VRTN: variants seen among roughly 807,000 people sequenced by gnomAD.
The protein encoded by VRTN is vertebrae development associated.
Under a neutral mutation model 18.2 loss-of-function variants are expected in VRTN, and 5 were observed. The ratio of observed to expected loss-of-function variants is 0.27; its 90% CI spans 0.14 to 0.58. The LOEUF is 0.58. VRTN is among the 20% of genes least tolerant of loss of function. The pLI, the probability that VRTN is intolerant of heterozygous loss-of-function variation, is 0.91. For missense variants in VRTN, 741 were observed against 939.4 expected (o/e 0.79, Z 2.76); for synonymous variants, 381 against 393.7 (o/e 0.97, Z 0.38).
Position 74,322,855 on chromosome 14 carries a change from C to T in VRTN, c.-163-14868C>T, listed in dbSNP as rs533958274. On this transcript the variant is annotated intron_variant, in intron 1 of 2. Coordinates refer to the VRTN transcript ENST00000557177. Reference sequence around the variant, plus strand: ...TGAACTTAAAAAGCATACTAGGGACCGGGCACGGTGGCTCACGCCTGTAAT... The same window carrying T: ...TGAACTTAAAAAGCATACTAGGGACTGGGCACGGTGGCTCACGCCTGTAAT... 1.3e-4 allele frequency among the ~76,000 whole-genome samples: 20 copies of T among 152,268 alleles called. No individual in the cohort carries two copies. The East Asian group carries it at 1.7e-3, about 13-fold the overall frequency.
rs143001467 is a variant in VRTN at position 74,358,880 on chromosome 14, G to A, written c.2097G>A (p.Leu699=). The A allele has an allele frequency of 6.2e-7, 1 of 1,608,820 alleles. No homozygotes were observed. The highest frequency in any genetic ancestry group is 1.3e-5 in the African/African-American group (1 of 74,898). The change falls in exon 2 of 2, where the codon CTG becomes CTA. Residue 699 remains leucine (L), a synonymous_variant. Transcript: ENST00000256362. The surrounding 1 kb of genome is among the most constrained non-coding windows in gnomAD (Gnocchi z 5.4). ...GAGCCCTCTATGACGGCCTGACCCTGGTAGATGGCTGACAGGGAGGTACAA... is the reference window on the plus strand; with the variant it reads ...GAGCCCTCTATGACGGCCTGACCCTAGTAGATGGCTGACAGGGAGGTACAA... ...WKRALYDGLT[L]VDG
At chr14:74,349,953 T>C (rs1297891891) in intron 1 of VRTN, among the ~76,000 whole-genome samples, 1 of 152,038 alleles carries the variant, frequency 6.6e-6, no homozygotes, top group Non-Finnish European at 1.5e-5. Flanking sequence ...CCTCCTTGGT[T>C]TCATACCTTT....
At chr14:74,336,025 G>A (rs997573513) in intron 1 of VRTN, among the ~76,000 whole-genome samples, 5 of 151,490 alleles carry the variant, frequency 3.3e-5, no homozygotes, top group African/African-American at 9.7e-5. Flanking sequence ...ACAGGTGTGA[G>A]CCACCGCACC....
Position 74,357,846 on chromosome 14 carries a change from C to G in VRTN, c.1063C>G (p.Leu355Val). Reference protein sequence around the residue: ...STYYAWKHELLGSGTCPALPP... With the variant: ...STYYAWKHELVGSGTCPALPP... ...CTACTATGCCTGGAAGCATGAGCTG[C>G]TGGGCTCTGGCACCTGCCCGGCCTT... The change falls in exon 2 of 2, where the codon CTG becomes GTG. Residue 355 changes from leucine (L) to valine (V), a missense_variant. By Grantham distance (32) the Leu-to-Val change is conservative. Coordinates refer to ENST00000256362, the MANE Select transcript of VRTN (RefSeq NM_018228.3). The surrounding 1 kb of genome is among the most constrained non-coding windows in gnomAD (Gnocchi z 7.8). 6.2e-7 allele frequency: 1 copy of G among 1,613,744 alleles called. No homozygotes were observed. Among genetic ancestry groups the G allele is most frequent in the Non-Finnish European group, 8.5e-7 (1 of 1,180,040 alleles).
chr14:74,310,449 A>G (rs2085380556), intron 1 of VRTN, among the ~76,000 whole-genome samples: 1 of 150,894 alleles, frequency 6.6e-6, no homozygotes, highest in African/African-American at 2.4e-5. Flanking sequence ...GATTCAGAAC[A>G]TGGACCTCAG....
chr14:74,318,040 G>C lies in VRTN; in HGVS notation c.-164+14864G>C, dbSNP rs2140194982. ...AGGCTGAGGCAAGAGGATTGCTTGA[G>C]CCCAGGAGTTCAAGGCTGCAGTGAG... On this transcript the variant is annotated intron_variant, in intron 1 of 2. Transcript: ENST00000557177. Among the ~76,000 whole-genome samples, 3 of 152,220 alleles carry C rather than the reference G, an allele frequency of 2.0e-5. No individual in the cohort carries two copies. The East Asian group carries it at 5.8e-4, about 29-fold the overall frequency.
At chr14:74,345,819 G>T (rs1265150294), upstream of VRTN, among the ~76,000 whole-genome samples, 1 of 151,270 alleles carries the variant, frequency 6.6e-6, no homozygotes. Context: ...AGCTACTGGG[G>T]AGGCTTAGGC....
Position 74,358,734 on chromosome 14 carries a change from T to G in VRTN, c.1951T>G (p.Phe651Val). ...GATGGACATGATCGCTACCACGAAG[T>G]TCAAGGCCCAGGCCAAGCTGTTCTT... ...LVMDMIATTK[F>V]KAQAKLFLQK... The change falls in exon 2 of 2, where the codon TTC becomes GTC. Residue 651 changes from phenylalanine (F) to valine (V), a missense_variant. Around this residue, in one of 3 missense-constraint regions of VRTN, gnomAD observed 61 missense variants for 104.6 expected, o/e 0.58. Transcript: ENST00000256362. The surrounding 1 kb of genome is among the most constrained non-coding windows in gnomAD (Gnocchi z 5.4). The G allele has an allele frequency of 6.2e-7, 1 of 1,614,212 alleles. No homozygotes were observed. Among genetic ancestry groups the G allele is most frequent in the Non-Finnish European group, 8.5e-7 (1 of 1,180,044 alleles).
At chr14:74,339,561 C>G (rs996109982) in intron 2 of VRTN, among the ~76,000 whole-genome samples, 4 of 152,140 alleles carry the variant, frequency 2.6e-5, no homozygotes, top group African/African-American at 9.7e-5. Context: ...TCTGTAATCT[C>G]AACACTTCAG....
intron 1 of VRTN, among the ~76,000 whole-genome samples, chr14:74,327,518 T>C (rs1938872205): frequency 1.3e-5 from 2 of 151,982 alleles, no homozygotes; most frequent in Admixed American, 6.6e-5. Flanking sequence ...AAGTCCACAT[T>C]TTGTTTCAAA....
upstream of VRTN, among the ~76,000 whole-genome samples, chr14:74,344,531 G>A (rs1320896208): frequency 4.0e-5 from 6 of 150,588 alleles, no homozygotes; most frequent in Non-Finnish European, 7.4e-5. Context: ...TCAGGAGTTC[G>A]AAACCAGCCT....
At chr14:74,332,359 T>G (rs1390677637) in intron 1 of VRTN, among the ~76,000 whole-genome samples, 2 of 126,604 alleles carry the variant, frequency 1.6e-5, no homozygotes, top group African/African-American at 6.9e-5. Context: ...TTTTTTTTTT[T>G]TTTTTTTTTT....
intron 1 of VRTN, among the ~76,000 whole-genome samples, chr14:74,326,084 G>T (rs1466813352): frequency 6.6e-6 from 1 of 152,148 alleles, no homozygotes; most frequent in Non-Finnish European, 1.5e-5. Context: ...AGCTGGGAAG[G>T]GCAAGCAGGG....
At chr14:74,321,893 T>A (rs796647213) in intron 1 of VRTN, among the ~76,000 whole-genome samples, 14 of 152,194 alleles carry the variant, frequency 9.2e-5, no homozygotes, top group African/African-American at 3.4e-4. Flanking sequence ...CAGGCTGCAG[T>A]GCAGTGGTGC....
chr14:74,329,004 C>T (rs1347158243), intron 1 of VRTN, among the ~76,000 whole-genome samples: 1 of 152,160 alleles, frequency 6.6e-6, no homozygotes, highest in Non-Finnish European at 1.5e-5. Context: ...GGCACGGTGG[C>T]TCATGCCTGT....
intron 1 of VRTN, among the ~76,000 whole-genome samples, chr14:74,303,688 A>G (rs533592773): frequency 3.9e-5 from 6 of 152,286 alleles, no homozygotes; most frequent in Admixed American, 1.3e-4. Context: ...ATGATCCCAC[A>G]GGTCCCTAAA....
chr14:74,346,196 G>A (rs931358979), upstream of VRTN, among the ~76,000 whole-genome samples: 12 of 151,714 alleles, frequency 7.9e-5, no homozygotes, highest in South Asian at 2.1e-4. Flanking sequence ...CCAGCTCCTC[G>A]GGAGGCTGAG....
chr14:74,309,686 G>T (rs796450769), intron 1 of VRTN, among the ~76,000 whole-genome samples: 14 of 151,938 alleles, frequency 9.2e-5, no homozygotes, highest in African/African-American at 3.4e-4. Context: ...AACACAGCGA[G>T]ACCTCGTTTC....
At chr14:74,341,788 G>A (rs1029005918) in intron 2 of VRTN, among the ~76,000 whole-genome samples, 2 of 152,034 alleles carry the variant, frequency 1.3e-5, no homozygotes, top group Non-Finnish European at 2.9e-5. Flanking sequence ...CAAAGTGCTG[G>A]GATTACAGGC....
Sources: allele counts gnomAD v4.1 joint callset (sites outside exome capture counted in the v4.1 genomes callset), GRCh38; gene constraint gnomAD v4.1.1; regional missense constraint gnomAD v4.1.1; non-coding constraint Gnocchi (gnomAD v3.1); transcripts MANE v1.5; gene names NCBI Gene and HGNC (gene_info 2026-07-23, HGNC 2026-07-21).